The following DST variants were observed in gnomAD, a reference collection of about 807,000 sequenced individuals.
DST encodes dystonin.
In DST, 253 loss-of-function variants were observed where a neutral mutation model predicts 875.2. The observed-to-expected ratio is 0.29, with a 90% CI of 0.26 to 0.32. The LOEUF (loss-of-function observed/expected upper bound fraction) is 0.32. Ranked by LOEUF, DST falls within the 10% of genes least tolerant of loss-of-function variation. DST has a pLI of 1.00. For synonymous variants in DST, 3,124 were observed against 3,197.1 expected, an observed-to-expected ratio of 0.98 and a Z score of 0.77; for missense variants, 8,287 against 9,111.6, an observed-to-expected ratio of 0.91 and a Z score of 3.68.
chr6:56,809,958 C>A (rs1263630267), intron 4 of DST, among the ~76,000 whole-genome samples: 2 of 152,094 alleles, frequency 1.3e-5, no homozygotes, highest in African/African-American at 4.8e-5. Flanking sequence ...TAGCACTAAA[C>A]GTGTTGGCCT....
In DST at chr6:56,866,594, C is replaced by T. The variant is rs995885994; in HGVS notation, c.418-14990G>A. ...GTCAACCTTTTAAAGAAAGTTCTTC[C>T]CCTAAAAGCCTTATGTAACTTTACC... On this transcript the variant is annotated intron_variant, in intron 3 of 103. Coordinates refer to ENST00000680361, the MANE Select transcript of DST (RefSeq NM_001374736.1). Among the ~76,000 whole-genome samples the T allele has an allele frequency of 2.0e-5, 3 of 152,304 alleles. No homozygotes were observed. The East Asian group carries it at 5.8e-4, about 29-fold the overall frequency.
At chr6:56,743,800 T>A (rs2967961) in intron 4 of DST, among the ~76,000 whole-genome samples, 152,270 of 152,358 alleles carry the variant, frequency 1, 76,091 homozygotes, top group Middle Eastern at 1. Flanking sequence ...CCTACTCAAC[T>A]TTATAATTTC....
rs752017445 is a variant in DST at position 56,489,451 on chromosome 6, TATA to T, written c.20877+36_20877+38del. 1.1e-4 allele frequency: 181 copies of T among 1,590,502 alleles called. 1 individual carries two copies. The highest frequency in any genetic ancestry group is 1.4e-4 in the Non-Finnish European group (168 of 1,169,760). On this transcript the variant is annotated intron_variant, in intron 86 of 103. Coordinates refer to ENST00000680361, the MANE Select transcript of DST (RefSeq NM_001374736.1). Reference sequence around the variant, plus strand: ...AGGATTTTAAAGTGATCTTGAACTATATAATGAGACAATATGCTCTTCTTAATT... The same window carrying T: ...AGGATTTTAAAGTGATCTTGAACTATATGAGACAATATGCTCTTCTTAATT...
intron 3 of DST, among the ~76,000 whole-genome samples, chr6:56,852,398 A>G (rs1299340862): frequency 6.6e-6 from 1 of 152,228 alleles, no homozygotes; most frequent in African/African-American, 2.4e-5. Context: ...CAGGAAACAG[A>G]GCTCTTCTCA....
chr6:56,697,205 T>C (rs2099268707), intron 9 of DST, among the ~76,000 whole-genome samples: 1 of 152,180 alleles, frequency 6.6e-6, no homozygotes, highest in South Asian at 2.1e-4. Flanking sequence ...ATCCCTTTCC[T>C]ACACCCTCTA....
intron 57 of DST, 32 bp downstream of exon 57, chr6:56,561,276 A>T (rs1347745155): frequency 8.9e-6 from 14 of 1,574,162 alleles, no homozygotes; most frequent in Non-Finnish European, 1.2e-5. Flanking sequence ...ATTCTCTTTC[A>T]TGTCTTCCAT....
Position 56,632,009 on chromosome 6 carries a change from G to A in DST, c.3837C>T (p.Tyr1279=), listed in dbSNP as rs757441372. ...GTCTAATGTTTCGAACTTCAGAGAT[G>A]TAGAGATTATAAACTGATTCCTCTT... is the stretch of plus-strand genomic sequence containing the variant. ...EEQEESVYNL[Y]ISEVRNIRLR... Residue 1279 remains tyrosine (Y), a synonymous_variant, in exon 29 of 104, where the codon TAC becomes TAT. Transcript: ENST00000680361. The A allele has an allele frequency of 1.2e-6, 2 of 1,613,354 alleles. No homozygotes were observed. Among genetic ancestry groups the A allele is most frequent in the South Asian group, 1.1e-5 (1 of 91,064 alleles).
intron 2 of DST, among the ~76,000 whole-genome samples, chr6:56,942,940 C>T (rs1052784398): frequency 6.6e-6 from 1 of 151,984 alleles, no homozygotes; most frequent in Admixed American, 6.6e-5. Flanking sequence ...AGGCCGGTCT[C>T]GAATTCCTGA....
chr6:56,619,656 T>C (rs147780153), intron 36 of DST: 8 of 1,613,758 alleles, frequency 5.0e-6, no homozygotes, highest in Non-Finnish European at 6.8e-6. Context: ...TTGAGATCAC[T>C]AGCTTCTTGC....
intron 4 of DST, among the ~76,000 whole-genome samples, chr6:56,741,494 C>T (rs1163201488): frequency 6.6e-6 from 1 of 152,176 alleles, no homozygotes; most frequent in Non-Finnish European, 1.5e-5. Flanking sequence ...CACAATGCTA[C>T]AGGAATGAGA....
intron 73 of DST, 122 bp from the exon 74 acceptor site, chr6:56,509,995 TATC>T: frequency 2.5e-6 from 2 of 790,720 alleles, no homozygotes; most frequent in Non-Finnish European, 3.9e-6. Context: ...TTAGCCTCTT[TATC>T]AACAGACCCA....
chr6:56,890,771 T>C (rs1403396757), intron 3 of DST, among the ~76,000 whole-genome samples: 2 of 152,226 alleles, frequency 1.3e-5, no homozygotes, highest in African/African-American at 4.8e-5. Context: ...ACAGTCACGC[T>C]TTCTGACTCA....
Position 56,635,679 on chromosome 6 carries a change from T to C in DST, c.3096A>G (p.Leu1032=), listed in dbSNP as rs767376487. Reference sequence around the variant, plus strand: ...GCTGAATGGCATCTTTTAGATTCCTTAAGTAATCAGTAGCTTCTTTGGCAT... The same window carrying C: ...GCTGAATGGCATCTTTTAGATTCCTCAAGTAATCAGTAGCTTCTTTGGCAT... ...FNDAKEATDY[L]RNLKDAIQRK... Residue 1032 remains leucine (L), a synonymous_variant, in exon 24 of 104, where the codon TTA becomes TTG. Coordinates refer to ENST00000680361, the MANE Select transcript of DST (RefSeq NM_001374736.1). The C allele has an allele frequency of 6.2e-7, 1 of 1,613,928 alleles. No homozygotes were observed. The highest frequency in any genetic ancestry group is 8.5e-7 in the Non-Finnish European group (1 of 1,179,918).
chr6:56,485,598 G>T, intron 87 of DST, 127 bp from the exon 88 acceptor site: 1 of 912,394 alleles, frequency 1.1e-6, no homozygotes, highest in Non-Finnish European at 1.6e-6. Context: ...GGTATTCATT[G>T]TTGTTTCTTT....
chr6:56,791,797 A>AAAG (rs2153006669), intron 4 of DST, among the ~76,000 whole-genome samples: 1 of 151,994 alleles, frequency 6.6e-6, no homozygotes, highest in African/African-American at 2.4e-5. Flanking sequence ...CAAAAAAAAA[A>AAAG]AAAAAAGAAA....
intron 4 of DST, 147 bp downstream of exon 4, chr6:56,851,249 TA>T: frequency 1.3e-6 from 1 of 746,718 alleles, no homozygotes; most frequent in Non-Finnish European, 2.2e-6. Context: ...AAACAAGGCA[TA>T]AAGTAAACAT....
chr6:56,730,901 C>A (rs909218976), intron 5 of DST, among the ~76,000 whole-genome samples: 2 of 152,146 alleles, frequency 1.3e-5, no homozygotes, highest in African/African-American at 2.4e-5. Context: ...AATTTAAATA[C>A]ATCTGGAAAA....
chr6:56,740,986 G>A (rs993388488), intron 4 of DST, among the ~76,000 whole-genome samples: 1 of 152,002 alleles, frequency 6.6e-6, no homozygotes, highest in Non-Finnish European at 1.5e-5. Flanking sequence ...AATCTATTAT[G>A]TGTATTATAT....
chr6:56,518,269 C>T (rs886556604), intron 69 of DST, among the ~76,000 whole-genome samples: 3 of 151,982 alleles, frequency 2.0e-5, no homozygotes, highest in Non-Finnish European at 4.4e-5. Context: ...AATTTATAAG[C>T]ACAGTACAAA....
Sources: allele counts gnomAD v4.1 joint callset (sites outside exome capture counted in the v4.1 genomes callset), GRCh38; gene constraint gnomAD v4.1.1; transcripts MANE v1.5; gene names NCBI Gene and HGNC (gene_info 2026-07-23, HGNC 2026-07-21).